Variants in LRBA observed in about 807,000 individuals in gnomAD.
The protein encoded by LRBA is lipopolysaccharide-responsive and beige-like anchor protein.
In LRBA, 176 loss-of-function variants were observed where a neutral mutation model predicts 330.0. That is an observed-to-expected ratio of 0.53 (90% CI 0.47 to 0.60). LRBA has a LOEUF of 0.60. LRBA is among the 20% of genes least tolerant of loss of function. The pLI, the probability that LRBA is intolerant of heterozygous loss-of-function variation, is 0.00. For synonymous variants in LRBA, 1,230 were observed against 1,193.0 expected, an observed-to-expected ratio of 1.03 and a Z score of -0.64; for missense variants, 3,259 against 3,444.8, an observed-to-expected ratio of 0.95 and a Z score of 1.35.
chr4:150,278,344 C>T (rs891358728), intron 55 of LRBA, among the ~76,000 whole-genome samples: 5 of 152,180 alleles, frequency 3.3e-5, no homozygotes, highest in Admixed American at 6.5e-5. Flanking sequence ...GCACTGCAGA[C>T]ATGCTAATAA....
chr4:150,932,641 T>C (rs1357988564), intron 2 of LRBA, among the ~76,000 whole-genome samples: 2 of 152,174 alleles, frequency 1.3e-5, no homozygotes, highest in East Asian at 3.9e-4. Flanking sequence ...TGGGGCTGGG[T>C]ACGTTGGCGC....
chr4:150,828,152 T>C, intron 30 of LRBA, 28 bp downstream of exon 30: 1 of 1,603,678 alleles, frequency 6.2e-7, no homozygotes, highest in Non-Finnish European at 8.5e-7. Flanking sequence ...TGTAGAAACA[T>C]ACCAAAACGA....
rs368533356 is a variant in LRBA, at chr4:150,831,832, T to A, written c.4714A>T (p.Asn1572Tyr). Residue 1572 changes from asparagine (N) to tyrosine (Y), a missense_variant, in exon 29 of 57, where the codon AAT (asparagine) becomes TAT (tyrosine). Asn to Tyr is a moderately radical substitution (Grantham distance 143). Transcript: ENST00000651943. The part of the protein sequence containing the change: ...SCTETGSENE[N>Y]VSLSEITPAA... ...GCAAACTTACCAGAGAGTGATACAT[T>A]CTCATTTTCACTGCCAGTTTCTGTA... 4.4e-6 allele frequency: 7 copies of A among 1,597,110 alleles called. No homozygotes were observed. In the African/African-American group the frequency reaches 6.7e-5, roughly 15 times the overall value.
chr4:150,881,901 A>G (rs1196062630), intron 17 of LRBA, among the ~76,000 whole-genome samples: 1 of 152,120 alleles, frequency 6.6e-6, no homozygotes, highest in Non-Finnish European at 1.5e-5. Context: ...AGCCAGACCA[A>G]CATGGCAAAA....
Position 150,928,831 on chromosome 4 carries a change from T to TA in LRBA, c.448+2dup. 1 of 1,607,250 alleles carries TA rather than the reference T, an allele frequency of 6.2e-7. No individual in the cohort carries two copies. The highest frequency in any genetic ancestry group is 8.5e-7 in the Non-Finnish European group (1 of 1,174,196). On this transcript the variant is annotated splice_region_variant and intron_variant, in intron 3 of 56. Coordinates refer to ENST00000651943, the MANE Select transcript of LRBA (RefSeq NM_001364905.1). ...ATATATTGTACTATAGAAAAAATCA[T>TA]ACCTGCTATCATATTGTCAACTTTT...
chr4:150,676,930 A>G (rs1782609790), intron 37 of LRBA, among the ~76,000 whole-genome samples: 1 of 152,194 alleles, frequency 6.6e-6, no homozygotes, highest in Non-Finnish European at 1.5e-5. Context: ...TATCTATAGT[A>G]CATCTCTTTT....
intron 40 of LRBA, among the ~76,000 whole-genome samples, chr4:150,500,048 T>C (rs1760058772): frequency 6.6e-6 from 1 of 152,152 alleles, no homozygotes; most frequent in African/African-American, 2.4e-5. Context: ...TCTATACCAC[T>C]GTAGAATGAC....
intron 2 of LRBA, among the ~76,000 whole-genome samples, chr4:150,976,795 T>G (rs1229371941): frequency 6.6e-6 from 1 of 152,184 alleles, no homozygotes; most frequent in Non-Finnish European, 1.5e-5. Flanking sequence ...ATGGAGCACC[T>G]ACGCGCCTGG....
At chr4:150,322,533 T>C (rs1732656554) in intron 49 of LRBA, among the ~76,000 whole-genome samples, 1 of 152,224 alleles carries the variant, frequency 6.6e-6, no homozygotes, top group Admixed American at 6.5e-5. Context: ...TGGAGGCACA[T>C]ATATTTAACA....
intron 47 of LRBA, among the ~76,000 whole-genome samples, chr4:150,384,816 C>T (rs963513932): frequency 6.6e-6 from 1 of 151,310 alleles, no homozygotes; most frequent in African/African-American, 2.4e-5. Context: ...GAGATAAGGG[C>T]TTTAAATGAT....
chr4:150,776,110 T>C (rs899313799), intron 34 of LRBA, among the ~76,000 whole-genome samples: 2 of 152,172 alleles, frequency 1.3e-5, no homozygotes, highest in East Asian at 1.9e-4. Context: ...AAGTACTCAA[T>C]GGTCGTCTTT....
chr4:150,724,443 C>T lies in LRBA; in HGVS notation c.5754+10815G>A, dbSNP rs116318371. 7.8e-3 allele frequency among the ~76,000 whole-genome samples: 1,186 copies of T among 152,218 alleles called. 12 individuals are homozygous for T. Among genetic ancestry groups the T allele is most frequent in the African/African-American group, 0.027 (1,130 of 41,540 alleles). On this transcript the variant is annotated intron_variant, in intron 36 of 56. Coordinates refer to ENST00000651943, the MANE Select transcript of LRBA (RefSeq NM_001364905.1). ...AAGTCCTTTCAAATACCTGGAAAGC[C>T]TTCCCAAGGACAACAGTCACAAACA... is the stretch of plus-strand genomic sequence containing the variant.
chr4:150,549,527 T>TTCACCGTG (rs1766314210), intron 40 of LRBA, among the ~76,000 whole-genome samples: 1 of 152,050 alleles, frequency 6.6e-6, no homozygotes, highest in East Asian at 1.9e-4. Context: ...GAGACAGGGT[T>TTCACCGTG]TCACCGTGTT....
intron 38 of LRBA, among the ~76,000 whole-genome samples, chr4:150,597,662 T>C (rs1454312494): frequency 6.6e-6 from 1 of 151,728 alleles, no homozygotes; most frequent in African/African-American, 2.4e-5. Flanking sequence ...GCAAAAAAAG[T>C]TCACCTTCTC....
At chr4:150,737,823 A>G (rs910620047) in intron 35 of LRBA, among the ~76,000 whole-genome samples, 1 of 152,102 alleles carries the variant, frequency 6.6e-6, no homozygotes, top group African/African-American at 2.4e-5. Flanking sequence ...ATACAAAACT[A>G]TAATATCACT....
chr4:150,501,843 T>C (rs1315254403), intron 40 of LRBA, among the ~76,000 whole-genome samples: 2 of 152,032 alleles, frequency 1.3e-5, no homozygotes, highest in African/African-American at 4.8e-5. Flanking sequence ...TTTCAAAATA[T>C]TAAATATTAA....
intron 56 of LRBA, among the ~76,000 whole-genome samples, chr4:150,267,553 A>T (rs1745520146): frequency 6.6e-6 from 1 of 152,232 alleles, no homozygotes; most frequent in Admixed American, 6.5e-5. Flanking sequence ...TTAGCTGTAA[A>T]CACATAGATT....
intron 36 of LRBA, chr4:150,721,283 T>G (rs1728892684): frequency 2.8e-6 from 1 of 363,118 alleles, no homozygotes; most frequent in Non-Finnish European, 5.3e-6. Flanking sequence ...CCAATGCTGA[T>G]GAATTCTTCA....
intron 51 of LRBA, among the ~76,000 whole-genome samples, chr4:150,313,628 A>G (rs1731341264): frequency 6.6e-6 from 1 of 151,884 alleles, no homozygotes; most frequent in African/African-American, 2.4e-5. Flanking sequence ...ATGTTCATTC[A>G]TTTCTTTTTT....
Sources: gnomAD v4.1 joint callset for allele counts (sites outside exome capture counted in the v4.1 genomes callset) on GRCh38, gnomAD v4.1.1 for gene constraint, MANE v1.5 for transcripts, NCBI Gene and HGNC (gene_info 2026-07-23, HGNC 2026-07-21) for gene names.